Variants in STIM1 observed in about 807,000 individuals in gnomAD.
STIM1 encodes stromal interaction molecule 1.
A neutral mutation model predicts 74.7 loss-of-function variants in STIM1; 25 were observed. That is an observed-to-expected ratio of 0.33 (90% CI 0.24 to 0.47). The LOEUF is 0.47. STIM1 is among the 20% of genes least tolerant of loss of function. The pLI is 1.00. For synonymous variants in STIM1, 328 were observed against 348.8 expected (o/e 0.94, Z 0.66); for missense variants, 728 against 920.8 (o/e 0.79, Z 2.71).
intron 3 of STIM1, among the ~76,000 whole-genome samples, chr11:4,029,415 G>A (rs147598730): frequency 1.6e-3 from 239 of 152,044 alleles, no homozygotes; most frequent in Non-Finnish European, 2.5e-3. Flanking sequence ...TTGTCTCTTT[G>A]TGGAGTTTGC....
chr11:3,865,256 A>G (rs896954055), intron 1 of STIM1, among the ~76,000 whole-genome samples: 1 of 152,228 alleles, frequency 6.6e-6, no homozygotes. Flanking sequence ...TCTTATTTAC[A>G]TATCAGAAGA....
In STIM1 at chr11:4,034,072, T is replaced by C. The variant is rs530250774; in HGVS notation, c.385+10085T>C. 1.6e-4 allele frequency among the ~76,000 whole-genome samples: 24 copies of C among 151,524 alleles called. No individual in the cohort carries two copies. The South Asian group carries it at 3.3e-3, about 21-fold the overall frequency. Reference sequence around the variant, plus strand: ...TGTGAAACCTCATCTCTACTAAAAATACAAAAATTAGCTGGTTGTGGTGGC... The same window carrying C: ...TGTGAAACCTCATCTCTACTAAAAACACAAAAATTAGCTGGTTGTGGTGGC... On this transcript the variant is annotated intron_variant, in intron 3 of 12. Coordinates refer to ENST00000526596, the MANE Select transcript of STIM1 (RefSeq NM_001382567.1).
At chr11:3,900,020 T>C (rs1285428955) in intron 1 of STIM1, among the ~76,000 whole-genome samples, 3 of 152,178 alleles carry the variant, frequency 2.0e-5, no homozygotes, top group Non-Finnish European at 4.4e-5. Context: ...ATCAGGATGA[T>C]GCTGGCCTCA....
chr11:4,011,744 T>G (rs966094247), intron 2 of STIM1, among the ~76,000 whole-genome samples: 1 of 152,192 alleles, frequency 6.6e-6, no homozygotes, highest in Non-Finnish European at 1.5e-5. Flanking sequence ...CCCATTTGTC[T>G]GTTTTGGCTT....
At chr11:3,895,662 CTTTCTTTCT>C (rs1565104716) in intron 1 of STIM1, among the ~76,000 whole-genome samples, 323 of 31,216 alleles carry the variant, frequency 0.01, 11 homozygotes, top group South Asian at 0.013. Context: ...TTCTTTCTTT[CTTTCTTTCT>C]TTCCTTCCTT....
Position 4,019,786 on chromosome 11 carries a change from C to T in STIM1, c.271-4087C>T, listed in dbSNP as rs544287283. Among the ~76,000 whole-genome samples the T allele has an allele frequency of 2.6e-5, 4 of 152,244 alleles. No homozygotes were observed. The East Asian group carries it at 7.7e-4, about 29-fold the overall frequency. On this transcript the variant is annotated intron_variant, in intron 2 of 12. Transcript: ENST00000526596. ...CTGTCATCTCAAACATATATCATTT[C>T]TTTGTGGTGAACATTCAAAATCCTT... is the stretch of plus-strand genomic sequence containing the variant.
chr11:4,028,265 G>A (rs571749364), intron 3 of STIM1, among the ~76,000 whole-genome samples: 1 of 151,194 alleles, frequency 6.6e-6, no homozygotes, highest in Non-Finnish European at 1.5e-5. Context: ...TATTTTTAAC[G>A]GAGATGGGGT....
intron 1 of STIM1, among the ~76,000 whole-genome samples, chr11:3,930,272 C>T (rs956796620): frequency 1.3e-5 from 2 of 152,142 alleles, no homozygotes; most frequent in Admixed American, 6.5e-5. Flanking sequence ...TCTCATTTTA[C>T]AGAGGAGATG....
rs373453787 is a variant in STIM1, at chr11:4,030,049, C to T, written c.385+6062C>T. 2.4e-4 allele frequency among the ~76,000 whole-genome samples: 36 copies of T among 152,146 alleles called. No homozygotes were observed. In the South Asian group the frequency reaches 3.7e-3, roughly 16 times the overall value. ...AAGCCTTTAGAAAGAACATCCAGGC[C>T]GGGTGCGGTGGCTCACGCCTGTAAT... is the stretch of plus-strand genomic sequence containing the variant. On this transcript the variant is annotated intron_variant, in intron 3 of 12. Transcript: ENST00000526596.
chr11:3,968,182 G>A (rs1468392394), intron 2 of STIM1, among the ~76,000 whole-genome samples: 1 of 152,232 alleles, frequency 6.6e-6, no homozygotes, highest in African/African-American at 2.4e-5. Context: ...TTGGGAGCCA[G>A]TTGAGTGGTC....
chr11:3,940,194 A>G (rs1052183907), intron 1 of STIM1, among the ~76,000 whole-genome samples: 5 of 152,220 alleles, frequency 3.3e-5, no homozygotes, highest in Admixed American at 6.5e-5. Context: ...AGACTTACCA[A>G]TTTGGTTTGG....
At chr11:3,877,395 T>C (rs1345440081) in intron 1 of STIM1, among the ~76,000 whole-genome samples, 2 of 152,196 alleles carry the variant, frequency 1.3e-5, no homozygotes, top group African/African-American at 4.8e-5. Context: ...ACATTTACAC[T>C]GTAGGTTTGT....
At chr11:4,040,990 A>G (rs958121533) in intron 3 of STIM1, among the ~76,000 whole-genome samples, 2 of 152,240 alleles carry the variant, frequency 1.3e-5, no homozygotes, top group Non-Finnish European at 2.9e-5. Context: ...CTGTAGTCCC[A>G]GATGAGAAGC....
At chr11:4,003,680 A>G (rs1296611302) in intron 2 of STIM1, among the ~76,000 whole-genome samples, 3 of 152,222 alleles carry the variant, frequency 2.0e-5, no homozygotes, top group Non-Finnish European at 4.4e-5. Flanking sequence ...AACTGGCACA[A>G]GACGGGATGC....
rs565661277 is a variant in STIM1 at position 3,872,725 on chromosome 11, G to T, written c.139+16316G>T. On this transcript the variant is annotated intron_variant, in intron 1 of 12. Coordinates refer to ENST00000526596, the MANE Select transcript of STIM1 (RefSeq NM_001382567.1). ...TTTAGTAGAGACAGTGTTTCACTGT[G>T]TTAGCCAGGATGGTCTCTATCTCCT... 6.6e-5 allele frequency among the ~76,000 whole-genome samples: 10 copies of T among 151,930 alleles called. 1 individual carries two copies. The South Asian group carries it at 2.1e-3, about 32-fold the overall frequency.
chr11:4,082,477 T>C, intron 8 of STIM1, 126 bp downstream of exon 8: 1 of 1,029,190 alleles, frequency 9.7e-7, no homozygotes, highest in Non-Finnish European at 1.5e-6. Context: ...TGGTGGTGGG[T>C]TCTGTTTCTT....
chr11:4,061,888 A>G (rs2094333430), intron 5 of STIM1, among the ~76,000 whole-genome samples: 2 of 152,230 alleles, frequency 1.3e-5, no homozygotes, highest in Admixed American at 1.3e-4. Flanking sequence ...GACACAAAAG[A>G]TCACATATTA....
intron 2 of STIM1, among the ~76,000 whole-genome samples, chr11:4,011,690 G>A (rs2093837977): frequency 6.6e-6 from 1 of 152,180 alleles, no homozygotes; most frequent in Non-Finnish European, 1.5e-5. Context: ...TCGCTCTGCT[G>A]ATAGTTTCTT....
At chr11:3,978,491 T>C (rs1440453730) in intron 2 of STIM1, among the ~76,000 whole-genome samples, 1 of 147,636 alleles carries the variant, frequency 6.8e-6, no homozygotes, top group Non-Finnish European at 1.5e-5. Context: ...CCAGGCACGG[T>C]GGCTCATGCC....
Sources: gnomAD v4.1 joint callset for allele counts (sites outside exome capture counted in the v4.1 genomes callset) on GRCh38, gnomAD v4.1.1 for gene constraint, MANE v1.5 for transcripts, NCBI Gene and HGNC (gene_info 2026-07-23, HGNC 2026-07-21) for gene names.